HTT: variants seen among roughly 807,000 people sequenced by gnomAD.
The protein encoded by HTT is huntingtin.
HTT carries 104 observed loss-of-function variants against 362.3 expected under a neutral mutation model. That is an observed-to-expected ratio of 0.29 (90% CI 0.24 to 0.34). The LOEUF (loss-of-function observed/expected upper bound fraction) is 0.34. Among genes scored for constraint, HTT ranks in the 10% least tolerant of loss-of-function variants. The probability of loss-of-function intolerance (pLI) is 1.00; values close to 1 mark genes in which losing one functional copy is unlikely to be tolerated. For missense variants in HTT, 3,301 were observed against 3,928.6 expected (o/e 0.84, Z 4.27); for synonymous variants, 1,577 against 1,548.7 (o/e 1.02, Z -0.43).
chr4:3,146,780 C>T lies in HTT; in HGVS notation c.3144-17C>T. 1 of 1,611,122 alleles carries T rather than the reference C, an allele frequency of 6.2e-7. No homozygotes were observed. Among genetic ancestry groups the T allele is most frequent in the Non-Finnish European group, 8.5e-7 (1 of 1,177,596 alleles). ...AAAAATTGTCTATAATTTGACTTTG[C>T]AAATGTCTGCTTCCAGAGTGCCTCC... On this transcript the variant is annotated splice_polypyrimidine_tract_variant and intron_variant, in intron 24 of 66. Coordinates refer to ENST00000355072, the MANE Select transcript of HTT (RefSeq NM_001388492.1).
chr4:3,112,533 G>T (rs1714808250), intron 6 of HTT, among the ~76,000 whole-genome samples: 2 of 152,040 alleles, frequency 1.3e-5, no homozygotes, highest in Non-Finnish European at 1.5e-5. Flanking sequence ...TTTTTGTCTG[G>T]TTTATTTTGG....
Position 3,148,147 on chromosome 4 carries a change from G to A in HTT, c.3438G>A (p.Leu1146=). The A allele has an allele frequency of 6.2e-7, 1 of 1,612,976 alleles. No homozygotes were observed. The highest frequency in any genetic ancestry group is 8.5e-7 in the Non-Finnish European group (1 of 1,179,454). ...TGGAGCAGCTCTTCTCTCACCTGCT[G>A]AAGGTGATTAACATTTGTGCCCACG... ...PMVEQLFSHL[L]KVINICAHVL... The change falls in exon 26 of 67, where the codon CTG becomes CTA. Residue 1146 remains leucine, a synonymous_variant. Transcript: ENST00000355072.
In HTT at chr4:3,158,040, G is replaced by A. The variant is rs146610343; in HGVS notation, c.3753+841G>A. ...CAGAGTCTTGCTCTGTCCCCAGGTT[G>A]GAGTGCAGTGGTGCAACCATGCCTC... is the stretch of plus-strand genomic sequence containing the variant. On this transcript the variant is annotated intron_variant, in intron 28 of 66. Transcript: ENST00000355072. 2.7e-3 allele frequency among the ~76,000 whole-genome samples: 386 copies of A among 144,062 alleles called. 2 individuals are homozygous for A. The highest frequency in any genetic ancestry group is 9.8e-3 in the African/African-American group (370 of 37,746). 94.5% of individuals were successfully genotyped at this position (144,062 alleles called of 152,430 possible).
At chr4:3,220,143 C>T in intron 52 of HTT, 39 bp from the exon 53 acceptor site, 1 of 1,612,822 alleles carries the variant, frequency 6.2e-7, no homozygotes, top group Non-Finnish European at 8.5e-7. Context: ...TCTGTCCTGA[C>T]TCAACTCGGA....
chr4:3,147,030 G>C lies in HTT; in HGVS notation c.3295+82G>C, dbSNP rs146469838. 7.4e-6 allele frequency: 10 copies of C among 1,347,414 alleles called. No homozygotes were observed. The African/African-American group carries it at 1.4e-4, about 19-fold the overall frequency. The allele number at this position is 1,347,414 out of a possible 1,614,324, so 83.5% of individuals were successfully genotyped here. A position where few individuals can be genotyped will look rare whatever the true frequency, so the allele number is the denominator to read the frequency against. On this transcript the variant is annotated intron_variant, in intron 25 of 66. Transcript: ENST00000355072. ...GGGAATGGGGGTGGTGAGCATATGAGGGGAAAATACTATAAGGTCATTGCC... is the reference window on the plus strand; with the variant it reads ...GGGAATGGGGGTGGTGAGCATATGACGGGAAAATACTATAAGGTCATTGCC...
At position 3,148,227 on chromosome 4, in the gene HTT, C is replaced by T; in HGVS notation, c.3498+20C>T. On this transcript the variant is annotated intron_variant, in intron 26 of 66. Transcript: ENST00000355072. Reference sequence around the variant, plus strand: ...ATAAAGGTAATGTCCCACTTGGGTGCTGGATTCATACAGCCTTAATGACTA... The same window carrying T: ...ATAAAGGTAATGTCCCACTTGGGTGTTGGATTCATACAGCCTTAATGACTA... 1 of 1,526,612 alleles carries T rather than the reference C, an allele frequency of 6.6e-7. No individual in the cohort carries two copies. The highest frequency in any genetic ancestry group is 1.2e-5 in the South Asian group (1 of 82,348). 94.6% of individuals were successfully genotyped at this position (1,526,612 alleles called of 1,614,324 possible).
chr4:3,137,897 AT>A (rs1483784945), intron 21 of HTT, among the ~76,000 whole-genome samples: 2 of 152,212 alleles, frequency 1.3e-5, no homozygotes, highest in Non-Finnish European at 2.9e-5. Flanking sequence ...TCAGATGGAT[AT>A]TATAGAGTTC....
chr4:3,081,034 T>A (rs1442668211), intron 1 of HTT, among the ~76,000 whole-genome samples: 1 of 152,244 alleles, frequency 6.6e-6, no homozygotes, highest in Non-Finnish European at 1.5e-5. Flanking sequence ...GTTCTCCAAC[T>A]TTGTTCCTTT....
At chr4:3,196,371 A>C (rs1172347580) in intron 40 of HTT, among the ~76,000 whole-genome samples, 1 of 151,854 alleles carries the variant, frequency 6.6e-6, no homozygotes, top group Non-Finnish European at 1.5e-5. Context: ...GGCCCCTCTT[A>C]TGTCTGCTTC....
At chr4:3,157,951 ATATCAATC>A (rs1298840311) in intron 28 of HTT, among the ~76,000 whole-genome samples, 3 of 150,540 alleles carry the variant, frequency 2.0e-5, no homozygotes, top group Non-Finnish European at 4.4e-5. Context: ...TTATTTTGTT[ATATCAATC>A]TATCTGTCTG....
rs577223076 is a variant in HTT at position 3,104,293 on chromosome 4, C to T, written c.528+410C>T. 1.7e-3 allele frequency among the ~76,000 whole-genome samples: 253 copies of T among 151,858 alleles called. 1 individual carries two copies. The highest frequency in any genetic ancestry group is 5.6e-3 in the African/African-American group (232 of 41,490). On this transcript the variant is annotated intron_variant, in intron 4 of 66. Transcript: ENST00000355072. ...GGATTACAGGCGTGAGCCACTGTGC[C>T]GGGCCTGATTGTACATTTTAAAATA...
intron 6 of HTT, chr4:3,113,000 G>T (rs1280937039): frequency 1.0e-6 from 1 of 963,404 alleles, no homozygotes; most frequent in Non-Finnish European, 1.2e-6. Flanking sequence ...AGTACCCTTG[G>T]CTCTGAAGTT....
rs751303995 is a variant in HTT at position 3,142,126 on chromosome 4, G to A, written c.2946-640G>A. On this transcript the variant is annotated intron_variant, in intron 22 of 66. Transcript: ENST00000355072. ...TCAGCTGTGGTCAATTGGGTCTTGC[G>A]TGATAGATACAATGACCAATTGTGC... is the stretch of plus-strand genomic sequence containing the variant. Among the ~76,000 whole-genome samples, 8 of 152,176 alleles carry A rather than the reference G, an allele frequency of 5.3e-5. No individual in the cohort carries two copies. The South Asian group carries it at 1.7e-3, about 32-fold the overall frequency.
chr4:3,158,744 G>C (rs1277061805), intron 28 of HTT, among the ~76,000 whole-genome samples: 1 of 151,974 alleles, frequency 6.6e-6, no homozygotes, highest in Non-Finnish European at 1.5e-5. Flanking sequence ...TATTTTACAA[G>C]GTTTGAGGTC....
At position 3,099,563 on chromosome 4, in the gene HTT, GTTGTATGGTTTGGAGGTGCTCTA is replaced by G. The variant is rs1560546607; in HGVS notation, c.468+192_468+214del. Among the ~76,000 whole-genome samples, 8 of 145,522 alleles carry G rather than the reference GTTGTATGGTTTGGAGGTGCTCTA, an allele frequency of 5.5e-5. No individual in the cohort carries two copies. The South Asian group carries it at 1.1e-3, about 20-fold the overall frequency. On this transcript the variant is annotated intron_variant, in intron 3 of 66. Transcript: ENST00000355072. The stretch of plus-strand genomic sequence containing the variant: ...CTGTTGTATGGTTTGGAGGTGCTCT[GTTGTATGGTTTGGAGGTGCTCTA>G]TTGTATGGTTTGGAGGTGCTCTGTT...
In HTT at chr4:3,180,191, GT is replaced by G. The variant is rs58924147; in HGVS notation, c.4613-320del. Among the ~76,000 whole-genome samples, 1,230 of 152,284 alleles carry G rather than the reference GT, an allele frequency of 8.1e-3. 21 individuals carry two copies. The highest frequency in any genetic ancestry group is 0.028 in the African/African-American group (1,179 of 41,566). Reference sequence around the variant, plus strand: ...TATTCTTGAGACCAGGAATGTTGCTGTTTTGGTTATTTGGAAAGTTTTATCA... The same window carrying G: ...TATTCTTGAGACCAGGAATGTTGCTGTTTGGTTATTTGGAAAGTTTTATCA... On this transcript the variant is annotated intron_variant, in intron 35 of 66. Coordinates refer to ENST00000355072, the MANE Select transcript of HTT (RefSeq NM_001388492.1).
At position 3,180,586 on chromosome 4, in the gene HTT, A is replaced by G; in HGVS notation, c.4684A>G (p.Lys1562Glu). Residue 1562 changes from lysine to glutamate, a missense_variant, in exon 36 of 67, where the codon AAA becomes GAA. Physicochemically the swap from Lys to Glu is moderately conservative, Grantham distance 56. Transcript: ENST00000355072. ...AGGAACAAATAAAGCTGATGCAGGA[A>G]AAGAGCTTGAAACCCAAAAAGAGGT... ...LRGTNKADAGKELETQKEVVV... is the reference protein window; with the variant it reads ...LRGTNKADAGEELETQKEVVV... 6.2e-7 allele frequency: 1 copy of G among 1,613,742 alleles called. No individual in the cohort carries two copies.
At chr4:3,224,937 G>C (rs1429227937) in intron 56 of HTT, among the ~76,000 whole-genome samples, 1 of 152,224 alleles carries the variant, frequency 6.6e-6, no homozygotes, top group African/African-American at 2.4e-5. Flanking sequence ...AGGCAGAAAA[G>C]AGGGGCACAG....
At chr4:3,165,854 C>T (rs974110457) in intron 29 of HTT, among the ~76,000 whole-genome samples, 1 of 152,016 alleles carries the variant, frequency 6.6e-6, no homozygotes, top group African/African-American at 2.4e-5. Flanking sequence ...TGGGTTAGAA[C>T]ATGCTCCTTT....
Sources: gnomAD v4.1 joint callset for allele counts (sites outside exome capture counted in the v4.1 genomes callset) on GRCh38, gnomAD v4.1.1 for gene constraint, MANE v1.5 for transcripts, NCBI Gene and HGNC (gene_info 2026-07-23, HGNC 2026-07-21) for gene names.